ARMC8: variants seen among roughly 807,000 people sequenced by gnomAD.
ARMC8 encodes the protein armadillo repeat containing 8.
Under a neutral mutation model 99.3 loss-of-function variants are expected in ARMC8, and 20 were observed. The ratio of observed to expected loss-of-function variants is 0.20; its 90% CI spans 0.14 to 0.29. The LOEUF (loss-of-function observed/expected upper bound fraction) is 0.29. Ranked by LOEUF, ARMC8 falls within the 10% of genes least tolerant of loss-of-function variation. The probability of loss-of-function intolerance (pLI) is 1.00; values close to 1 mark genes in which losing one functional copy is unlikely to be tolerated. For missense variants in ARMC8, 569 were observed against 809.5 expected (o/e 0.70, Z 3.60); for synonymous variants, 263 against 278.3 (o/e 0.95, Z 0.55).
At chr3:138,232,076 T>C (rs2046074178) in intron 6 of ARMC8, among the ~76,000 whole-genome samples, 1 of 138,320 alleles carries the variant, frequency 7.2e-6, no homozygotes, top group Non-Finnish European at 1.5e-5. Context: ...GTCCAAACGA[T>C]TCTCCTGCCA....
intron 16 of ARMC8, among the ~76,000 whole-genome samples, chr3:138,271,837 C>G (rs1342205479): frequency 1.4e-5 from 2 of 146,728 alleles, no homozygotes; most frequent in Non-Finnish European, 3.0e-5. Flanking sequence ...GCTTAGTTGC[C>G]CAGGCTGGAG....
intron 1 of ARMC8, chr3:138,187,902 C>T (rs1301330713): frequency 6.6e-6 from 3 of 454,874 alleles, no homozygotes; most frequent in African/African-American, 6.1e-5. Context: ...TGGACTTTGC[C>T]AAGCGTTTCA....
In ARMC8 at chr3:138,296,599, A is replaced by G. The variant is rs1490447201; in HGVS notation, c.*707A>G. ...ATAGTTGGCCTGATTAACAGGCACTATACATGGTGCTGTGCAAAATAGTAA... is the reference window on the plus strand; with the variant it reads ...ATAGTTGGCCTGATTAACAGGCACTGTACATGGTGCTGTGCAAAATAGTAA... On this transcript the variant is annotated 3_prime_UTR_variant, in exon 22 of 22. Coordinates refer to ENST00000469044, the MANE Select transcript of ARMC8 (RefSeq NM_001363941.2). 4 of 152,216 alleles carry G rather than the reference A, an allele frequency of 2.6e-5. No individual in the cohort carries two copies. Among genetic ancestry groups the G allele is most frequent in the African/African-American group, 7.2e-5 (3 of 41,458 alleles). The allele number at this position is 152,216 out of a possible 1,614,324, so 9.4% of individuals were successfully genotyped here.
chr3:138,262,543 G>A lies in ARMC8; in HGVS notation c.1135-1196G>A, dbSNP rs201579352. Reference sequence around the variant, plus strand: ...CAGACTTCTGAATCCTCTCATTTTAGTCTAGGTCAGTGATCTTCAACCTTG... The same window carrying A: ...CAGACTTCTGAATCCTCTCATTTTAATCTAGGTCAGTGATCTTCAACCTTG... On this transcript the variant is annotated intron_variant, in intron 12 of 21. Transcript: ENST00000469044. 3.7e-6 allele frequency: 6 copies of A among 1,611,914 alleles called. No individual in the cohort carries two copies. In the East Asian group the frequency reaches 1.1e-4, roughly 30 times the overall value.
chr3:138,237,908 C>T (rs966569042), intron 9 of ARMC8: 14 of 189,550 alleles, frequency 7.4e-5, no homozygotes, highest in Admixed American at 2.4e-4. Context: ...TAAGTATTAG[C>T]CAGGGAAATA....
At chr3:138,188,297 T>C (rs1162723509) in intron 1 of ARMC8, 2 of 1,025,084 alleles carry the variant, frequency 2.0e-6, no homozygotes, top group Admixed American at 3.0e-5. Context: ...AGTCAAACAT[T>C]GAAGGGGGGA....
At chr3:138,258,247 G>A in intron 12 of ARMC8, among the ~76,000 whole-genome samples, 1 of 152,040 alleles carries the variant, frequency 6.6e-6, no homozygotes, top group East Asian at 1.9e-4. Context: ...CACATATTTT[G>A]GTTGACCTGG....
At chr3:138,194,625 A>G (rs1327212861) in intron 1 of ARMC8, among the ~76,000 whole-genome samples, 1 of 150,388 alleles carries the variant, frequency 6.6e-6, no homozygotes, top group South Asian at 2.1e-4. Context: ...GGCGTGAGCC[A>G]CCGTGCCCAG....
intron 12 of ARMC8, among the ~76,000 whole-genome samples, chr3:138,250,498 G>A (rs1393018958): frequency 6.6e-6 from 1 of 151,986 alleles, no homozygotes; most frequent in Admixed American, 6.6e-5. Context: ...GTATTTCTTG[G>A]TAACAAATTG....
At chr3:138,207,804 AG>A (rs1449360599) in intron 1 of ARMC8, among the ~76,000 whole-genome samples, 1 of 152,210 alleles carries the variant, frequency 6.6e-6, no homozygotes, top group Non-Finnish European at 1.5e-5. Flanking sequence ...CGAGGGATTG[AG>A]CAGATTATTG....
chr3:138,293,576 C>T (rs765957643), intron 21 of ARMC8, among the ~76,000 whole-genome samples: 1 of 151,942 alleles, frequency 6.6e-6, no homozygotes, highest in Non-Finnish European at 1.5e-5. Flanking sequence ...TAAAAAACTG[C>T]AGCCCAAGGC....
At chr3:138,270,582 A>T (rs1410153101) in intron 16 of ARMC8, among the ~76,000 whole-genome samples, 1 of 152,194 alleles carries the variant, frequency 6.6e-6, no homozygotes, top group African/African-American at 2.4e-5. Flanking sequence ...AATAAAAATT[A>T]TGTGTGTTTA....
chr3:138,274,007 G>A (rs942438164), intron 17 of ARMC8, among the ~76,000 whole-genome samples: 7 of 151,942 alleles, frequency 4.6e-5, no homozygotes, highest in Admixed American at 1.3e-4. Flanking sequence ...TAGTAGAGAC[G>A]GGGTTTTGCC....
chr3:138,250,670 G>C (rs1438224821), intron 12 of ARMC8, among the ~76,000 whole-genome samples: 1 of 152,104 alleles, frequency 6.6e-6, no homozygotes, highest in Non-Finnish European at 1.5e-5. Flanking sequence ...TGACCTAATT[G>C]TTACTGCTTA....
chr3:138,273,186 C>T, intron 17 of ARMC8, 70 bp downstream of exon 17: 1 of 1,447,468 alleles, frequency 6.9e-7, no homozygotes, highest in Non-Finnish European at 9.4e-7. Context: ...TGCTCTCTCT[C>T]TGTGCTCTCA....
intron 2 of ARMC8, among the ~76,000 whole-genome samples, chr3:138,210,754 A>G (rs939490377): frequency 2.6e-5 from 4 of 152,072 alleles, no homozygotes; most frequent in African/African-American, 4.8e-5. Context: ...AGCCATGGCA[A>G]GGCTGGGATG....
At chr3:138,248,795 A>G (rs980027542) in intron 12 of ARMC8, among the ~76,000 whole-genome samples, 30 of 152,230 alleles carry the variant, frequency 2.0e-4, no homozygotes, top group African/African-American at 7.0e-4. Flanking sequence ...TTAGAAGTAA[A>G]GTGTAAATTA....
chr3:138,237,839 C>T (rs114810708), intron 9 of ARMC8, among the ~76,000 whole-genome samples: 1 of 152,014 alleles, frequency 6.6e-6, no homozygotes, highest in Non-Finnish European at 1.5e-5. Context: ...AACTACTGTC[C>T]TTCTACTTCA....
chr3:138,274,088 G>A lies in ARMC8; in HGVS notation c.1630-361G>A, dbSNP rs138427000. Among the ~76,000 whole-genome samples, 203 of 152,276 alleles carry A rather than the reference G, an allele frequency of 1.3e-3. No homozygotes were observed. In the Middle Eastern group the frequency reaches 0.017, roughly 13 times the overall value. On this transcript the variant is annotated intron_variant, in intron 17 of 21. Transcript: ENST00000469044. ...CCACCTCGGCCCCCCAAAGTGCTGGGATTACAGGCGTGAGCGTACCGTACT... is the reference window on the plus strand; with the variant it reads ...CCACCTCGGCCCCCCAAAGTGCTGGAATTACAGGCGTGAGCGTACCGTACT...
Sources: allele counts gnomAD v4.1 joint callset (sites outside exome capture counted in the v4.1 genomes callset), GRCh38; gene constraint gnomAD v4.1.1; transcripts MANE v1.5; gene names NCBI Gene and HGNC (gene_info 2026-07-23, HGNC 2026-07-21).